TAFA1: variants seen among roughly 807,000 people sequenced by gnomAD.
The protein encoded by TAFA1 is chemokine-like protein TAFA-1.
Under a neutral mutation model 18.5 loss-of-function variants are expected in TAFA1, and 4 were observed. The ratio of observed to expected loss-of-function variants is 0.22; its 90% confidence interval spans 0.11 to 0.49. The LOEUF is 0.49. Ranked by LOEUF, TAFA1 falls within the 20% of genes least tolerant of loss-of-function variation. The pLI is 0.98. For missense variants in TAFA1, 147 were observed against 169.0 expected, an observed-to-expected ratio of 0.87 and a Z score of 0.72; for synonymous variants, 56 against 55.2, an observed-to-expected ratio of 1.01 and a Z score of -0.06.
intron 3 of TAFA1, among the ~76,000 whole-genome samples, chr3:68,452,832 G>A (rs1379504207): frequency 6.6e-6 from 1 of 152,090 alleles, no homozygotes; most frequent in African/African-American, 2.4e-5. Flanking sequence ...GCAAGCTTTG[G>A]GCAATCATTA....
chr3:68,438,558 C>T (rs2071306373), intron 3 of TAFA1, among the ~76,000 whole-genome samples: 1 of 152,020 alleles, frequency 6.6e-6, no homozygotes, highest in African/African-American at 2.4e-5. Context: ...TAGTCCCACT[C>T]CCATGGCTCC....
intron 3 of TAFA1, among the ~76,000 whole-genome samples, chr3:68,479,662 A>T (rs547092531): frequency 4.6e-5 from 7 of 152,264 alleles, no homozygotes; most frequent in African/African-American, 1.7e-4. Flanking sequence ...TACATGCTCA[A>T]TCAGAAGGGC....
chr3:68,145,544 C>T, intron 2 of TAFA1: 1 of 1,290,886 alleles, frequency 7.7e-7, no homozygotes, highest in Non-Finnish European at 1.1e-6. Context: ...CAAGTTTATT[C>T]CCTTATCAGA....
chr3:68,164,007 T>A (rs1359186012), intron 2 of TAFA1, among the ~76,000 whole-genome samples: 1 of 152,244 alleles, frequency 6.6e-6, no homozygotes, highest in East Asian at 1.9e-4. Flanking sequence ...TCTTCCCATT[T>A]GTGCAAAAAC....
intron 2 of TAFA1, among the ~76,000 whole-genome samples, chr3:68,128,607 T>G (rs1480679459): frequency 1.4e-4 from 21 of 152,200 alleles, no homozygotes; most frequent in Admixed American, 1.4e-3. Flanking sequence ...TGCACCTGAT[T>G]GTCTGCCAAA....
chr3:68,043,045 C>A (rs752905414), intron 2 of TAFA1, among the ~76,000 whole-genome samples: 1 of 152,022 alleles, frequency 6.6e-6, no homozygotes, highest in Non-Finnish European at 1.5e-5. Flanking sequence ...CCACCATGCT[C>A]GGCTAATTTT....
At chr3:68,507,952 G>A (rs1416011912) in intron 3 of TAFA1, among the ~76,000 whole-genome samples, 2 of 152,082 alleles carry the variant, frequency 1.3e-5, no homozygotes, top group Admixed American at 6.6e-5. Flanking sequence ...ATCTAAACAC[G>A]TGTATTTGCC....
chr3:68,354,284 A>C (rs1016150145), intron 2 of TAFA1, among the ~76,000 whole-genome samples: 7 of 151,982 alleles, frequency 4.6e-5, no homozygotes, highest in Non-Finnish European at 1.0e-4. Context: ...TGGATTTCAC[A>C]CTTCCTTTGA....
At chr3:68,294,260 C>T (rs1174579269) in intron 2 of TAFA1, among the ~76,000 whole-genome samples, 1 of 152,140 alleles carries the variant, frequency 6.6e-6, no homozygotes, top group Non-Finnish European at 1.5e-5. Flanking sequence ...ACATATGTTA[C>T]TTTAAATTTT....
At chr3:68,396,096 T>C (rs1454155929) in intron 2 of TAFA1, among the ~76,000 whole-genome samples, 1 of 152,164 alleles carries the variant, frequency 6.6e-6, no homozygotes, top group Non-Finnish European at 1.5e-5. Context: ...TTATATTTCC[T>C]TATTATTTTG....
intron 3 of TAFA1, among the ~76,000 whole-genome samples, chr3:68,429,645 A>T (rs2106832603): frequency 6.6e-6 from 1 of 152,072 alleles, no homozygotes; most frequent in South Asian, 2.1e-4. Context: ...ATATGTTTAC[A>T]TTCCAAATTC....
chr3:68,218,549 C>T (rs1020585432), intron 2 of TAFA1, among the ~76,000 whole-genome samples: 7 of 152,058 alleles, frequency 4.6e-5, no homozygotes, highest in Non-Finnish European at 1.0e-4. Context: ...GTTTGTATTT[C>T]ATACCTGGTC....
At position 68,314,809 on chromosome 3, in the gene TAFA1, G is replaced by T. The variant is rs534693443; in HGVS notation, c.119-102471G>T. Among the ~76,000 whole-genome samples the T allele has an allele frequency of 1.4e-3, 213 of 151,842 alleles. 1 individual carries two copies. The highest frequency in any genetic ancestry group is 5.0e-3 in the African/African-American group (206 of 41,488). ...CAGGACGAAAAAGATCATAAATTAT[G>T]TTTAAAGGAATTTTCAGGTCCATAG... On this transcript the variant is annotated intron_variant, in intron 2 of 4. Coordinates refer to ENST00000478136, the MANE Select transcript of TAFA1 (RefSeq NM_213609.4).
At chr3:68,154,958 A>T (rs2065849826) in intron 2 of TAFA1, among the ~76,000 whole-genome samples, 1 of 152,198 alleles carries the variant, frequency 6.6e-6, no homozygotes, top group South Asian at 2.1e-4. Context: ...TTTTGCCATA[A>T]ATAAAAGTTG....
intron 2 of TAFA1, among the ~76,000 whole-genome samples, chr3:68,158,748 T>C (rs191129703): frequency 6.6e-6 from 1 of 152,314 alleles, no homozygotes; most frequent in East Asian, 1.9e-4. Flanking sequence ...ATATTACTTC[T>C]TTCTTTTACA....
At chr3:68,420,848 G>A (rs527701836) in intron 3 of TAFA1, among the ~76,000 whole-genome samples, 1 of 152,254 alleles carries the variant, frequency 6.6e-6, no homozygotes, top group South Asian at 2.1e-4. Flanking sequence ...TCAACACAGT[G>A]AGCACCTCTA....
At chr3:68,066,725 C>G (rs1193936212) in intron 2 of TAFA1, among the ~76,000 whole-genome samples, 3 of 152,010 alleles carry the variant, frequency 2.0e-5, no homozygotes, top group Non-Finnish European at 4.4e-5. Context: ...TCAGGTGATT[C>G]TGGGAATTAT....
chr3:68,039,439 G>A (rs904793642), intron 2 of TAFA1, among the ~76,000 whole-genome samples: 1 of 151,976 alleles, frequency 6.6e-6, no homozygotes, highest in African/African-American at 2.4e-5. Context: ...AGTCTTTTTA[G>A]GTCGTTTCTA....
chr3:68,188,516 T>G (rs1433452910), intron 2 of TAFA1, among the ~76,000 whole-genome samples: 2 of 147,098 alleles, frequency 1.4e-5, no homozygotes, highest in Non-Finnish European at 3.0e-5. Context: ...TTTATATATA[T>G]ATATATAGAG....
Sources: gnomAD v4.1 joint callset for allele counts (sites outside exome capture counted in the v4.1 genomes callset) on GRCh38, gnomAD v4.1.1 for gene constraint, MANE v1.5 for transcripts, NCBI Gene and HGNC (gene_info 2026-07-23, HGNC 2026-07-21) for gene names.